The following TENM1 variants were observed in gnomAD, a reference collection of about 807,000 sequenced individuals.
TENM1 encodes the protein teneurin transmembrane protein 1, also known as teneurin-1.
TENM1 carries 35 observed loss-of-function variants against 174.8 expected under a neutral mutation model. The ratio of observed to expected loss-of-function variants is 0.20; its 90% confidence interval spans 0.15 to 0.27. The LOEUF is 0.27. TENM1 is among the 10% of genes least tolerant of loss of function. The pLI is 1.00. For synonymous variants in TENM1, 781 were observed against 798.7 expected (o/e 0.98, Z 0.37); for missense variants, 1,633 against 2,130.1 (o/e 0.77, Z 4.59).
chrX:124,777,552 A>G, intron 3 of TENM1, among the ~76,000 whole-genome samples: 1 of 112,034 alleles, frequency 8.9e-6, no homozygotes, highest in Non-Finnish European at 1.9e-5. Flanking sequence ...AGTCTCTTCC[A>G]TTATTCAGTC....
At chrX:124,434,864 T>C (rs1443722293) in intron 23 of TENM1, among the ~76,000 whole-genome samples, 1 of 112,333 alleles carries the variant, frequency 8.9e-6, no homozygotes, top group Non-Finnish European at 1.9e-5. Flanking sequence ...GTTTTATCAT[T>C]ACGCTAAAGA....
chrX:124,446,303 T>C (rs894469100), intron 23 of TENM1, among the ~76,000 whole-genome samples: 3 of 112,424 alleles, frequency 2.7e-5, no homozygotes, highest in Non-Finnish European at 5.6e-5. Flanking sequence ...ATATAATCCC[T>C]CCGACTAACA....
chrX:124,765,854 T>C (rs1282473568), intron 3 of TENM1, among the ~76,000 whole-genome samples: 1 of 112,247 alleles, frequency 8.9e-6, no homozygotes, highest in Non-Finnish European at 1.9e-5. Context: ...CTTGAACTTA[T>C]GTCATTTACT....
intron 27 of TENM1, among the ~76,000 whole-genome samples, chrX:124,397,907 T>G (rs903889719): frequency 2.1e-4 from 23 of 108,501 alleles, no homozygotes; most frequent in African/African-American, 7.7e-4. Context: ...GCATTTAATT[T>G]TTATGAAGTT....
At chrX:124,966,934 C>G (rs1208873977), upstream of TENM1, among the ~76,000 whole-genome samples, 1 of 111,268 alleles carries the variant, frequency 9.0e-6, no homozygotes, top group Non-Finnish European at 1.9e-5. Context: ...TGAAAACTCT[C>G]AAGAGGGGCT....
chrX:124,820,046 C>A (rs780023098), intron 3 of TENM1, among the ~76,000 whole-genome samples: 22 of 110,736 alleles, frequency 2.0e-4, no homozygotes, highest in Non-Finnish European at 3.4e-4. Context: ...CTCGGCCTCC[C>A]AAAGCGCTGG....
At chrX:124,700,530 C>T (rs889806382) in intron 5 of TENM1, among the ~76,000 whole-genome samples, 1 of 111,384 alleles carries the variant, frequency 9.0e-6, no homozygotes, top group African/African-American at 3.3e-5. Context: ...ATCAACATTC[C>T]CATTTTATAG....
At chrX:124,916,762 C>T (rs1461748582) in intron 1 of TENM1, among the ~76,000 whole-genome samples, 3 of 107,947 alleles carry the variant, frequency 2.8e-5, no homozygotes, top group Non-Finnish European at 3.8e-5. Context: ...TATAAAATGG[C>T]GAGTTCACCC....
intron 11 of TENM1, among the ~76,000 whole-genome samples, chrX:124,630,842 C>G (rs542362851): frequency 8.9e-6 from 1 of 112,065 alleles, no homozygotes; most frequent in African/African-American, 3.2e-5. Flanking sequence ...AAATATCAAG[C>G]CTCCTCTGAG....
chrX:124,766,867 C>A (rs1052016443), intron 3 of TENM1, among the ~76,000 whole-genome samples: 5 of 111,206 alleles, frequency 4.5e-5, no homozygotes, highest in Non-Finnish European at 1.9e-5. Context: ...ATAGATAATA[C>A]CCTGGTATTC....
intron 25 of TENM1, among the ~76,000 whole-genome samples, chrX:124,418,365 C>T (rs1441303242): frequency 1.8e-5 from 2 of 108,972 alleles, no homozygotes; most frequent in Non-Finnish European, 3.8e-5. Context: ...CCCCCCACCC[C>T]CCAGATATTC....
At chrX:124,557,898 C>T (rs1431587006) in intron 14 of TENM1, among the ~76,000 whole-genome samples, 6 of 111,512 alleles carry the variant, frequency 5.4e-5, no homozygotes, top group African/African-American at 2.0e-4. Flanking sequence ...GTAACCAACT[C>T]CAAATTAGGA....
At chrX:124,675,186 T>C (rs2052036878) in intron 5 of TENM1, among the ~76,000 whole-genome samples, 1 of 111,848 alleles carries the variant, frequency 8.9e-6, no homozygotes, top group Admixed American at 9.5e-5. Flanking sequence ...GTTTGTAATA[T>C]ATGTTTGTGT....
chrX:124,949,455 A>T (rs748643113), intron 1 of TENM1, among the ~76,000 whole-genome samples: 1 of 112,177 alleles, frequency 8.9e-6, no homozygotes, highest in African/African-American at 3.2e-5. Flanking sequence ...GTGGAGAAAC[A>T]AACAAGCCAA....
At chrX:124,481,703 A>ATATATATATC in intron 22 of TENM1, 29 bp downstream of exon 25, 2 of 350,981 alleles carry the variant, frequency 5.7e-6, no homozygotes, top group East Asian at 5.0e-5. Flanking sequence ...GGGTATATAT[A>ATATATATATC]TATATATATT....
intron 1 of TENM1, among the ~76,000 whole-genome samples, chrX:124,923,889 A>G (rs936487294): frequency 1.8e-5 from 2 of 112,141 alleles, no homozygotes; most frequent in Admixed American, 9.5e-5. Flanking sequence ...AGCCTTGCTG[A>G]TATCTTGATT....
At chrX:125,148,439 C>T in the TENM1 span, among the ~76,000 whole-genome samples, 1 of 111,400 alleles carries the variant, frequency 9.0e-6, no homozygotes, top group African/African-American at 3.3e-5. Flanking sequence ...TTTCTACCAG[C>T]TTCTTAAAAC....
rs1257692658 is a variant in TENM1 at position 124,396,304 on chromosome X, C to CTTTTTTTTTTTTTTTTT, written c.5392-3957_5392-3956insAAAAAAAAAAAAAAAAA. On this transcript the variant is annotated intron_variant, in intron 27 of 31. Transcript: ENST00000422452. ...CTTTTCCAGCTGAGCCTCTCCCAAC[C>CTTTTTTTTTTTTTTTTT]TTTTTTTTTTTTTTCGAGCCGGAGT... Among the ~76,000 whole-genome samples the CTTTTTTTTTTTTTTTTT allele has an allele frequency of 1.1e-4, 8 of 70,442 alleles. 1 individual carries two copies. Among genetic ancestry groups the CTTTTTTTTTTTTTTTTT allele is most frequent in the Non-Finnish European group, 1.5e-4 (6 of 39,047 alleles). 61.2% of individuals were successfully genotyped at this position (70,442 alleles called of 115,157 possible).
the TENM1 span, among the ~76,000 whole-genome samples, chrX:124,973,637 T>C: frequency 9.0e-6 from 1 of 111,710 alleles, no homozygotes; most frequent in Non-Finnish European, 1.9e-5. Flanking sequence ...GTAAGTTGTA[T>C]TCCTAGGTAT....
Sources: gnomAD v4.1 joint callset for allele counts (sites outside exome capture counted in the v4.1 genomes callset) on GRCh38, gnomAD v4.1.1 for gene constraint, MANE v1.5 for transcripts, NCBI Gene and HGNC (gene_info 2026-07-23, HGNC 2026-07-21) for gene names.